The following SYT14 variants were observed in gnomAD, a reference collection of about 807,000 sequenced individuals.
The protein encoded by SYT14 is synaptotagmin 14.
Under a neutral mutation model 74.2 loss-of-function variants are expected in SYT14, and 32 were observed. The observed-to-expected ratio is 0.43, with a 90% CI of 0.33 to 0.58. SYT14 has a LOEUF of 0.58. SYT14 is among the 20% of genes least tolerant of loss of function. SYT14 has a pLI of 0.05. For synonymous variants in SYT14, 298 were observed against 337.7 expected (o/e 0.88, Z 1.29); for missense variants, 791 against 981.8 (o/e 0.81, Z 2.60).
chr1:210,100,384 A>G (rs2082042209), exon 7 of SYT14: 1 of 1,613,574 alleles, frequency 6.2e-7, no homozygotes, highest in African/African-American at 1.3e-5. Flanking sequence ...GGGGGAAAAG[A>G]TTTTTTATTT....
At chr1:209,940,588 T>C (rs1157792162) in intron 1 of SYT14, among the ~76,000 whole-genome samples, 1 of 152,218 alleles carries the variant, frequency 6.6e-6, no homozygotes, top group Non-Finnish European at 1.5e-5. Flanking sequence ...AACACTGTTT[T>C]TTGGCAGTAA....
At chr1:209,951,912 A>C (rs2078917775) in intron 1 of SYT14, among the ~76,000 whole-genome samples, 1 of 152,166 alleles carries the variant, frequency 6.6e-6, no homozygotes, top group Admixed American at 6.5e-5. Context: ...CACTTGTATA[A>C]ATTTTTTAAG....
intron 7 of SYT14, among the ~76,000 whole-genome samples, chr1:210,114,820 GT>G (rs2082327338): frequency 1.3e-5 from 2 of 151,014 alleles, no homozygotes; most frequent in Admixed American, 6.6e-5. Context: ...GGATTATAGG[GT>G]GGGGGAGCAG....
chr1:210,023,780 G>A (rs2080351989), intron 5 of SYT14, among the ~76,000 whole-genome samples: 1 of 152,216 alleles, frequency 6.6e-6, no homozygotes, highest in Non-Finnish European at 1.5e-5. Context: ...AACAAGCATG[G>A]AATAGGGCTT....
chr1:209,965,974 G>T (rs753552669), intron 2 of SYT14: 4 of 453,496 alleles, frequency 8.8e-6, no homozygotes, highest in Non-Finnish European at 1.8e-5. Flanking sequence ...GGGTTCAAAC[G>T]ATTCTTCTGC....
intron 2 of SYT14, among the ~76,000 whole-genome samples, chr1:209,974,107 A>G (rs1298932723): frequency 1.3e-5 from 2 of 151,804 alleles, no homozygotes; most frequent in Admixed American, 6.6e-5. Context: ...GAATCTGGAT[A>G]TTAGCCCTTT....
At chr1:210,064,687 C>A (rs2081265670) in intron 5 of SYT14, among the ~76,000 whole-genome samples, 1 of 152,000 alleles carries the variant, frequency 6.6e-6, no homozygotes, top group African/African-American at 2.4e-5. Flanking sequence ...TGAGTTGCTT[C>A]TACCTTTTGG....
intron 2 of SYT14, among the ~76,000 whole-genome samples, chr1:209,976,240 T>C (rs1209599245): frequency 6.6e-6 from 1 of 151,382 alleles, no homozygotes. Flanking sequence ...TCTTGCCTTC[T>C]GCTAGCTTTT....
chr1:210,033,982 G>A (rs1487853314), intron 5 of SYT14, among the ~76,000 whole-genome samples: 1 of 151,480 alleles, frequency 6.6e-6, no homozygotes, highest in African/African-American at 2.4e-5. Flanking sequence ...ACAATATTTT[G>A]GAAGTCTGAA....
intron 1 of SYT14, among the ~76,000 whole-genome samples, chr1:209,941,935 T>G (rs924335169): frequency 1.3e-5 from 2 of 152,196 alleles, no homozygotes; most frequent in African/African-American, 4.8e-5. Context: ...ATCTCCAGTC[T>G]ACTTGTAATA....
At chr1:210,051,224 T>C (rs1380985338) in intron 5 of SYT14, among the ~76,000 whole-genome samples, 4 of 152,228 alleles carry the variant, frequency 2.6e-5, no homozygotes, top group Non-Finnish European at 2.9e-5. Flanking sequence ...TAAATGCCAG[T>C]ACCAATAATA....
intron 2 of SYT14, among the ~76,000 whole-genome samples, chr1:209,974,569 A>G (rs980584694): frequency 1.3e-5 from 2 of 152,058 alleles, no homozygotes; most frequent in Non-Finnish European, 2.9e-5. Flanking sequence ...CCATTGGTCT[A>G]TATCTCTGTT....
At chr1:210,008,645 G>T (rs2080031925) in intron 2 of SYT14, among the ~76,000 whole-genome samples, 1 of 152,158 alleles carries the variant, frequency 6.6e-6, no homozygotes, top group Non-Finnish European at 1.5e-5. Flanking sequence ...TTACAGGCGT[G>T]AGCCACCACA....
chr1:209,974,650 C>T (rs1419353145), intron 2 of SYT14, among the ~76,000 whole-genome samples: 1 of 151,960 alleles, frequency 6.6e-6, no homozygotes, highest in Non-Finnish European at 1.5e-5. Flanking sequence ...TAGCGTGATG[C>T]CTCCAGCTTT....
rs562410355 is a variant in SYT14, at chr1:210,007,622, ATAAG to A, written c.-485-6010_-485-6007del. 1.9e-3 allele frequency among the ~76,000 whole-genome samples: 290 copies of A among 152,230 alleles called. 1 individual carries two copies. Among genetic ancestry groups the A allele is most frequent in the Middle Eastern group, 6.8e-3 (2 of 294 alleles). On this transcript the variant is annotated intron_variant, in intron 2 of 9. Transcript: ENST00000637265. ...AATTGCTTGCTATTTTTTAACATAT[ATAAG>A]AGCTATAAATAAAATATTTGCACAT...
intron 5 of SYT14, among the ~76,000 whole-genome samples, chr1:210,074,465 A>G (rs1335227673): frequency 2.0e-5 from 3 of 152,200 alleles, no homozygotes; most frequent in African/African-American, 4.8e-5. Context: ...AGCATAAGGT[A>G]TTGATACAAA....
intron 5 of SYT14, among the ~76,000 whole-genome samples, chr1:210,053,615 G>A (rs1395947506): frequency 1.3e-5 from 2 of 152,178 alleles, no homozygotes; most frequent in African/African-American, 2.4e-5. Context: ...AACAGTAATA[G>A]GTAGCTTGTC....
At chr1:210,147,671 AAAG>A (rs764232151) in intron 7 of SYT14, among the ~76,000 whole-genome samples, 3 of 152,358 alleles carry the variant, frequency 2.0e-5, no homozygotes, top group Admixed American at 1.3e-4. Flanking sequence ...AATTCTAGGT[AAAG>A]AAGAGAGAGA....
intron 5 of SYT14, among the ~76,000 whole-genome samples, chr1:210,037,198 G>A (rs1034164350): frequency 1.3e-5 from 2 of 151,826 alleles, no homozygotes; most frequent in African/African-American, 2.4e-5. Flanking sequence ...TTTCCTCTAG[G>A]TTTTCTAGTA....
Sources: allele counts gnomAD v4.1 joint callset (sites outside exome capture counted in the v4.1 genomes callset), GRCh38; gene constraint gnomAD v4.1.1; transcripts MANE v1.5; gene names NCBI Gene and HGNC (gene_info 2026-07-23, HGNC 2026-07-21).